BSN: variants seen among roughly 807,000 people sequenced by gnomAD.
The protein encoded by BSN is protein bassoon.
In BSN, 57 loss-of-function variants were observed where a neutral mutation model predicts 264.8. The observed-to-expected ratio is 0.22, with a 90% CI of 0.17 to 0.27. The LOEUF (loss-of-function observed/expected upper bound fraction) is 0.27, where lower values mean the gene tolerates loss of function less well. BSN is among the 10% of genes least tolerant of loss of function. The pLI, the probability that BSN is intolerant of heterozygous loss-of-function variation, is 1.00. For missense variants in BSN, 4,615 were observed against 5,232.5 expected (o/e 0.88, Z 3.64); for synonymous variants, 2,059 against 2,137.3 (o/e 0.96, Z 1.01).
At position 49,651,060 on chromosome 3, in the gene BSN, C is replaced by G; in HGVS notation, c.1967C>G (p.Pro656Arg). The change falls in exon 4 of 12, where the codon CCC becomes CGC. Residue 656 changes from proline (P) to arginine (R), a missense_variant. Around this residue, in one of 3 missense-constraint regions of BSN, gnomAD observed 1,197 missense variants for 1,348.0 expected, o/e 0.89. Transcript: ENST00000296452. This position sits in a 1 kb window ranked among gnomAD's most constrained non-coding sequence, Gnocchi z 5.4. ...GTCGTCAAGGCTGTTCCAGAAGCCC[C>G]CAAGGGTGGGGAGGCGGAGGTCAGT... ...TPVVKAVPEA[P>R]KGGEAEDLVG... is the part of the protein sequence containing the mutation. 2 of 1,611,748 alleles carry G rather than the reference C, an allele frequency of 1.2e-6. No individual in the cohort carries two copies. Among genetic ancestry groups the G allele is most frequent in the Non-Finnish European group, 1.7e-6 (2 of 1,179,398 alleles).
chr3:49,560,016 A>G (rs1233349440), intron 1 of BSN, among the ~76,000 whole-genome samples: 1 of 152,140 alleles, frequency 6.6e-6, no homozygotes, highest in African/African-American at 2.4e-5. Context: ...CCTTCCTCTG[A>G]GTCAGTTTGG....
intron 1 of BSN, among the ~76,000 whole-genome samples, chr3:49,620,424 CA>C (rs1449976702): frequency 7.7e-6 from 1 of 130,346 alleles, no homozygotes; most frequent in African/African-American, 2.8e-5. Context: ...GACTCCGTCT[CA>C]AAAACAAAAC....
intron 1 of BSN, among the ~76,000 whole-genome samples, chr3:49,566,086 A>G (rs1183167340): frequency 6.6e-6 from 1 of 152,190 alleles, no homozygotes; most frequent in Non-Finnish European, 1.5e-5. Context: ...CGGCCTCCCA[A>G]AGTGTTGGGA....
In BSN at chr3:49,590,414, C is replaced by T. The variant is rs76507696; in HGVS notation, c.225-34561C>T. 2.7e-3 allele frequency among the ~76,000 whole-genome samples: 418 copies of T among 152,052 alleles called. 3 individuals carry two copies. The highest frequency in any genetic ancestry group is 9.4e-3 in the African/African-American group (388 of 41,472). The stretch of plus-strand genomic sequence containing the variant: ...TTAATATGGTTGGATTTATATCTGG[C>T]ATTTTGGTTTTTTACTATTTGTCTC... On this transcript the variant is annotated intron_variant, in intron 1 of 11. Coordinates refer to ENST00000296452, the MANE Select transcript of BSN (RefSeq NM_003458.4).
intron 1 of BSN, among the ~76,000 whole-genome samples, chr3:49,609,368 G>T (rs1217642753): frequency 6.6e-6 from 1 of 151,748 alleles, no homozygotes; most frequent in Non-Finnish European, 1.5e-5. Context: ...CTCCCAAAGT[G>T]CTGGGACTAT....
At chr3:49,648,783 CA>C (rs5848871) in intron 3 of BSN, among the ~76,000 whole-genome samples, 1,676 of 152,310 alleles carry the variant, frequency 0.011, 33 homozygotes, top group African/African-American at 0.038. Context: ...TCAAGGGAGT[CA>C]GTAGTGGTGT....
intron 2 of BSN, among the ~76,000 whole-genome samples, chr3:49,633,374 C>T (rs1188453667): frequency 3.3e-5 from 5 of 151,432 alleles, no homozygotes; most frequent in East Asian, 1.9e-4. Flanking sequence ...ATTGAAACTA[C>T]GGTGAGATAC....
At chr3:49,639,223 G>T (rs1340189964) in intron 2 of BSN, among the ~76,000 whole-genome samples, 27 of 135,104 alleles carry the variant, frequency 2.0e-4, no homozygotes, top group Non-Finnish European at 1.1e-4. Flanking sequence ...TTTTGAGACA[G>T]AGTCTCGCTC....
chr3:49,557,261 G>C (rs1196852639), intron 1 of BSN, among the ~76,000 whole-genome samples: 1 of 152,146 alleles, frequency 6.6e-6, no homozygotes, highest in Non-Finnish European at 1.5e-5. Context: ...TGCTGGTTTG[G>C]GAGAAAGCTG....
chr3:49,667,353 G>A (rs1385894873), intron 11 of BSN, among the ~76,000 whole-genome samples: 1 of 148,926 alleles, frequency 6.7e-6, no homozygotes, highest in Admixed American at 6.7e-5. Flanking sequence ...TAAAAGAAGT[G>A]TCCCTTCCTG....
intron 1 of BSN, among the ~76,000 whole-genome samples, chr3:49,590,456 C>T (rs1033651865): frequency 6.6e-6 from 1 of 151,868 alleles, no homozygotes; most frequent in African/African-American, 2.4e-5. Flanking sequence ...TTTTATTTAT[C>T]TCTTCCACTG....
intron 1 of BSN, among the ~76,000 whole-genome samples, chr3:49,580,062 T>C (rs934786166): frequency 2.6e-5 from 4 of 152,192 alleles, no homozygotes; most frequent in African/African-American, 9.7e-5. Context: ...AGTTTTCTTG[T>C]GATGTTTATG....
At position 49,642,408 on chromosome 3, in the gene BSN, G is replaced by A. The variant is rs1272899373; in HGVS notation, c.774G>A (p.Leu258=). The A allele has an allele frequency of 1.9e-6, 3 of 1,601,342 alleles. No homozygotes were observed. Among genetic ancestry groups the A allele is most frequent in the Non-Finnish European group, 2.6e-6 (3 of 1,174,054 alleles). Residue 258 remains leucine, a synonymous_variant, in exon 3 of 12, where the codon CTG becomes CTA. Coordinates refer to ENST00000296452, the MANE Select transcript of BSN (RefSeq NM_003458.4). The surrounding 1 kb of genome is among the most constrained non-coding windows in gnomAD (Gnocchi z 7.0). Reference sequence around the variant, plus strand: ...CCCACTCCCCGGCCAAACAGCCCCTGGGGAAGCCAGACCAAGAGAGATCTC... The same window carrying A: ...CCCACTCCCCGGCCAAACAGCCCCTAGGGAAGCCAGACCAAGAGAGATCTC... ...SPAHSPAKQP[L]GKPDQERSRG...
In BSN at chr3:49,660,526, A is replaced by T; in HGVS notation, c.8681A>T (p.Lys2894Met). 1 of 1,554,234 alleles carries T rather than the reference A, an allele frequency of 6.4e-7. No individual in the cohort carries two copies. Among genetic ancestry groups the T allele is most frequent in the Non-Finnish European group, 8.7e-7 (1 of 1,149,642 alleles). Residue 2894 changes from lysine to methionine, a missense_variant, in exon 6 of 12, where the codon AAG becomes ATG. Physicochemically the swap from Lys to Met is moderately conservative, Grantham distance 95 (BLOSUM62 -1). Around this residue, in one of 3 missense-constraint regions of BSN, gnomAD observed 3,415 missense variants for 3,866.4 expected, o/e 0.88. Coordinates refer to ENST00000296452, the MANE Select transcript of BSN (RefSeq NM_003458.4). This position sits in a 1 kb window ranked among gnomAD's most constrained non-coding sequence, Gnocchi z 7.1. Reference protein sequence around the residue: ...LPPNSLVRKVKRTLPSPPPEE... With the variant: ...LPPNSLVRKVMRTLPSPPPEE... ...CCCAACAGCCTGGTCCGCAAGGTGA[A>T]GCGGACACTGCCCAGCCCCCCTCCA...
At chr3:49,610,558 T>C (rs1476780185) in intron 1 of BSN, among the ~76,000 whole-genome samples, 1 of 102,994 alleles carries the variant, frequency 9.7e-6, no homozygotes, top group East Asian at 3.3e-4. Context: ...CACTCCAGCC[T>C]GGGCAACAAG....
At chr3:49,574,642 T>C (rs2051827676) in intron 1 of BSN, among the ~76,000 whole-genome samples, 1 of 138,738 alleles carries the variant, frequency 7.2e-6, no homozygotes, top group Non-Finnish European at 1.6e-5. Flanking sequence ...TTTTTTTTTT[T>C]TTTTTTTTTT....
intron 2 of BSN, among the ~76,000 whole-genome samples, chr3:49,626,284 G>T (rs553391085): frequency 6.6e-6 from 1 of 152,306 alleles, no homozygotes; most frequent in South Asian, 2.1e-4. Flanking sequence ...ATGGAGAGAG[G>T]CTGGCTGCAG....
rs575208090 is a variant in BSN at position 49,656,425 on chromosome 3, C to A, written c.6869C>A (p.Ala2290Asp). ...VYLGKPAAAK[A>D]PGAGGPSRPE... ...CTGGGGAAACCTGCTGCTGCCAAGG[C>A]CCCTGGGGCTGGGGGCCCTTCAAGG... is the stretch of plus-strand genomic sequence containing the variant. Residue 2290 changes from alanine to aspartate, a missense_variant, in exon 5 of 12, where the codon GCC becomes GAC. By Grantham distance (126) the Ala-to-Asp change is moderately radical. Around this residue, in one of 3 missense-constraint regions of BSN, gnomAD observed 3,415 missense variants for 3,866.4 expected, o/e 0.88. Transcript: ENST00000296452. 3 of 1,589,412 alleles carry A rather than the reference C, an allele frequency of 1.9e-6. No individual in the cohort carries two copies. The highest frequency in any genetic ancestry group is 1.7e-6 in the Non-Finnish European group (2 of 1,167,466).
Position 49,655,645 on chromosome 3 carries a change from G to T in BSN, c.6089G>T (p.Gly2030Val). The T allele has an allele frequency of 6.2e-7, 1 of 1,613,682 alleles. No homozygotes were observed. Among genetic ancestry groups the T allele is most frequent in the Non-Finnish European group, 8.5e-7 (1 of 1,179,984 alleles). ...KHSYSLGFAD[G>V]RYLGQGLQYG... ...TCCTACAGCCTGGGCTTTGCGGATG[G>T]ACGCTACCTAGGGCAGGGCTTGCAG... The change falls in exon 5 of 12, where the codon GGA (glycine) becomes GTA (valine). Residue 2030 changes from glycine to valine, a missense_variant. Gly to Val is a moderately radical substitution (Grantham distance 109). Around this residue, in one of 3 missense-constraint regions of BSN, gnomAD observed 3,415 missense variants for 3,866.4 expected, o/e 0.88. Coordinates refer to ENST00000296452, the MANE Select transcript of BSN (RefSeq NM_003458.4).
Sources: gnomAD v4.1 joint callset for allele counts (sites outside exome capture counted in the v4.1 genomes callset) on GRCh38, gnomAD v4.1.1 for gene constraint, gnomAD v4.1.1 regional missense constraint, Gnocchi (gnomAD v3.1) non-coding constraint, MANE v1.5 for transcripts, NCBI Gene and HGNC (gene_info 2026-07-23, HGNC 2026-07-21) for gene names.